Variants in UBTF observed in about 807,000 individuals in gnomAD.
UBTF encodes the protein nucleolar transcription factor 1.
In UBTF, 8 loss-of-function variants were observed where a neutral mutation model predicts 112.3. The observed-to-expected ratio is 0.07, with a 90% CI of 0.04 to 0.13. The LOEUF (loss-of-function observed/expected upper bound fraction) is 0.13, where lower values mean the gene tolerates loss of function less well. Ranked by LOEUF, UBTF falls within the 10% of genes least tolerant of loss-of-function variation. UBTF has a pLI of 1.00. For synonymous variants in UBTF, 417 were observed against 373.1 expected (o/e 1.12, Z -1.36); for missense variants, 457 against 982.1 (o/e 0.47, Z 7.15).
chr17:44,212,794 C>T, intron 7 of UBTF, 25 bp downstream of exon 7: 3 of 1,612,942 alleles, frequency 1.9e-6, no homozygotes, highest in South Asian at 1.1e-5. Flanking sequence ...CATCCTCCAC[C>T]CCCAACCCTT....
At chr17:44,214,085 G>A (rs1477522526) in intron 5 of UBTF, among the ~76,000 whole-genome samples, 10 of 151,494 alleles carry the variant, frequency 6.6e-5, no homozygotes, top group Admixed American at 1.3e-4. Context: ...CTTCCTCATC[G>A]ACCTTCTCTC....
rs139786333 is a variant in UBTF, at chr17:44,211,726, G to A, written c.927C>T (p.Cys309=). ...KPPPNSYSLY[C]AELMANMKDV... ...CCTTCATGTTGGCCATGAGCTCTGC[G>A]CAGTACAGCGAGTAGCTGTTCCTAT... is the stretch of plus-strand genomic sequence containing the variant. The change falls in exon 10 of 21, where the codon TGC becomes TGT. Residue 309 remains cysteine, a synonymous_variant. Coordinates refer to ENST00000436088, the MANE Select transcript of UBTF (RefSeq NM_014233.4). This position sits in a 1 kb window ranked among gnomAD's most constrained non-coding sequence, Gnocchi z 4.9. 72 of 1,607,682 alleles carry A rather than the reference G, an allele frequency of 4.5e-5. No homozygotes were observed. In the African/African-American group the frequency reaches 5.7e-4, roughly 13 times the overall value.
chr17:44,208,291 C>T (rs1317337509), intron 17 of UBTF, among the ~76,000 whole-genome samples: 1 of 151,784 alleles, frequency 6.6e-6, no homozygotes, highest in Non-Finnish European at 1.5e-5. Context: ...TTTGTAGAGA[C>T]AGCAATCTCA....
Position 44,207,053 on chromosome 17 carries a change from G to T in UBTF, c.*189C>A. On this transcript the variant is annotated 3_prime_UTR_variant, in exon 21 of 21. Transcript: ENST00000436088. ...ACCCCCAAGGGCTGATGTCTCTGAGGCTGCAGAGTCCTGGCCTGGGCTCCT... is the reference window on the plus strand; with the variant it reads ...ACCCCCAAGGGCTGATGTCTCTGAGTCTGCAGAGTCCTGGCCTGGGCTCCT... 1 of 641,706 alleles carries T rather than the reference G, an allele frequency of 1.6e-6. No homozygotes were observed. Among genetic ancestry groups the T allele is most frequent in the East Asian group, 2.8e-5 (1 of 36,308 alleles). The allele number at this position is 641,706 out of a possible 1,614,324, so 39.8% of individuals were successfully genotyped here.
At chr17:44,219,038 G>C (rs1201316321) in intron 1 of UBTF, 3 of 146,590 alleles carry the variant, frequency 2.0e-5, no homozygotes, top group African/African-American at 7.5e-5. Flanking sequence ...GCGCGACCGC[G>C]GCGGGAACCG....
Position 44,207,279 on chromosome 17 carries a change from G to C in UBTF, c.2258C>G (p.Ser753Cys). Reference protein sequence around the residue: ...NESEGSSSSSSSSGDSSDSDS... With the variant: ...NESEGSSSSSCSSGDSSDSDS... ...AGAGTCTGAGGAGTCCCCTGAGGAG[G>C]AGGAGCTGGAGCTGCTGCCCTCGGA... The change falls in exon 21 of 21, where the codon TCC (serine) becomes TGC (cysteine). Residue 753 changes from serine to cysteine, a missense_variant. Physicochemically the swap from Ser to Cys is moderately radical, Grantham distance 112 (BLOSUM62 -1). This residue lies in a region of UBTF where 139 missense variants were observed against 157.5 expected (regional missense o/e 0.88). Transcript: ENST00000436088. 6.2e-7 allele frequency: 1 copy of C among 1,613,580 alleles called. No individual in the cohort carries two copies. Among genetic ancestry groups the C allele is most frequent in the Non-Finnish European group, 8.5e-7 (1 of 1,179,860 alleles).
chr17:44,210,283 G>C, intron 14 of UBTF, 35 bp downstream of exon 14: 5 of 1,614,250 alleles, frequency 3.1e-6, no homozygotes, highest in South Asian at 1.1e-5. Flanking sequence ...CCCGGGGCTA[G>C]AGGCTGCAGT....
rs148766175 is a variant in UBTF at position 44,209,962 on chromosome 17, A to G, written c.1626+162T>C. Among the ~76,000 whole-genome samples the G allele has an allele frequency of 8.5e-5, 13 of 152,274 alleles. No individual in the cohort carries two copies. The East Asian group carries it at 2.5e-3, about 29-fold the overall frequency. On this transcript the variant is annotated intron_variant, in intron 15 of 20. Transcript: ENST00000436088. ...CTCCGAGTCAGCCTGGAGGTTAGCA[A>G]TGTCACCCCCACCTTACTGATGAGA...
intron 5 of UBTF, among the ~76,000 whole-genome samples, chr17:44,215,200 A>G (rs1215095909): frequency 6.6e-6 from 1 of 152,176 alleles, no homozygotes; most frequent in Non-Finnish European, 1.5e-5. Context: ...TAGTTGTGTC[A>G]CCCGGGACAC....
chr17:44,216,212 A>C, intron 3 of UBTF: 1 of 605,290 alleles, frequency 1.7e-6, no homozygotes, highest in Non-Finnish European at 2.9e-6. Flanking sequence ...AAGGCCAGCA[A>C]CAAGGGGACT....
In UBTF at chr17:44,211,574, C is replaced by T; in HGVS notation, c.1047+32G>A. 1 of 1,599,388 alleles carries T rather than the reference C, an allele frequency of 6.3e-7. No individual in the cohort carries two copies. Among genetic ancestry groups the T allele is most frequent in the South Asian group, 1.1e-5 (1 of 89,570 alleles). ...GGGATCAGACCTCATGCTTCAAAAC[C>T]CCAAGGCAGGGTGGCCCCTGCCACA... On this transcript the variant is annotated intron_variant, in intron 10 of 20. Transcript: ENST00000436088. The surrounding 1 kb of genome is among the most constrained non-coding windows in gnomAD (Gnocchi z 4.9).
At chr17:44,215,606 C>A (rs1476862694) in intron 5 of UBTF, 48 bp downstream of exon 5, 6 of 1,606,346 alleles carry the variant, frequency 3.7e-6, no homozygotes, top group Non-Finnish European at 5.1e-6. Flanking sequence ...ACCACACCAG[C>A]TGCTCCCAGC....
chr17:44,214,296 G>A (rs2046734586), intron 5 of UBTF, among the ~76,000 whole-genome samples: 5 of 152,156 alleles, frequency 3.3e-5, no homozygotes, highest in Admixed American at 3.3e-4. Context: ...CCCCATCTCA[G>A]TCCTCCTCAG....
At chr17:44,213,451 C>T in intron 5 of UBTF, 169 bp from the exon 6 acceptor site, 3 of 643,124 alleles carry the variant, frequency 4.7e-6, no homozygotes, top group Non-Finnish European at 5.2e-6. Context: ...ACAGAGCAGA[C>T]CTGCTGGCTT....
At position 44,219,575 on chromosome 17, in the gene UBTF, GC is replaced by G; in HGVS notation, c.-199del. The G allele has an allele frequency of 6.2e-6, 1 of 161,542 alleles. No individual in the cohort carries two copies. Among genetic ancestry groups the G allele is most frequent in the Non-Finnish European group, 1.3e-5 (1 of 77,068 alleles). The allele number at this position is 161,542 out of a possible 1,614,324, so 10.0% of individuals were successfully genotyped here. ...GCGGCGGCAGCGGCTCCTCCTCCGG[GC>G]GAGGCGGCGGCGCTGGGGCGGCGGC... On this transcript the variant is annotated 5_prime_UTR_variant, in exon 1 of 21. Coordinates refer to ENST00000436088, the MANE Select transcript of UBTF (RefSeq NM_014233.4).
chr17:44,215,628 TCCCACCTTAACTCTCCTCCC>T lies in UBTF; in HGVS notation c.474+6_474+25del, dbSNP rs749638480. 6.8e-6 allele frequency: 11 copies of T among 1,611,806 alleles called. No individual in the cohort carries two copies. Among genetic ancestry groups the T allele is most frequent in the Non-Finnish European group, 7.6e-6 (9 of 1,179,018 alleles). On this transcript the variant is annotated splice_donor_region_variant and intron_variant, in intron 5 of 20. Transcript: ENST00000436088. ...CAGCTGCTCCCAGCCTCTCCCCTCCTCCCACCTTAACTCTCCTCCCCCCACCTTCTTCTTCTCCGGAAGCT... is the reference window on the plus strand; with the variant it reads ...CAGCTGCTCCCAGCCTCTCCCCTCCTCCCACCTTCTTCTTCTCCGGAAGCT...
Position 44,212,401 on chromosome 17 carries a change from C to G in UBTF, c.714G>C (p.Ser238=), listed in dbSNP as rs756611691. Residue 238 remains serine, a synonymous_variant, in exon 8 of 21, where the codon TCG becomes TCC. Coordinates refer to ENST00000436088, the MANE Select transcript of UBTF (RefSeq NM_014233.4). ...GAATCCATTTCAGCCTCTTTTTGTC[C>G]GAGAGCTGAGACCACTGCTTCCCCA... ...DSLGKQWSQL[S]DKKRLKWIHK... 5.6e-6 allele frequency: 9 copies of G among 1,613,102 alleles called. No homozygotes were observed. Among genetic ancestry groups the G allele is most frequent in the Non-Finnish European group, 7.6e-6 (9 of 1,179,786 alleles).
rs1218456535 is a variant in UBTF at position 44,212,866 on chromosome 17, G to A, written c.613C>T (p.Leu205=). 6.2e-7 allele frequency: 1 copy of A among 1,614,032 alleles called. No individual in the cohort carries two copies. Among genetic ancestry groups the A allele is most frequent in the Non-Finnish European group, 8.5e-7 (1 of 1,180,000 alleles). ...IPEKPKTPQQ[L]WYTHEKKVYL... ...ACCTTCTTCTCGTGGGTGTACCACA[G>A]CTGCTGGGGGGTTTTGGGCTTCTCT... The change falls in exon 7 of 21, where the codon CTG becomes TTG. Residue 205 remains leucine, a synonymous_variant. Transcript: ENST00000436088.
rs1458798783 is a variant in UBTF at position 44,206,962 on chromosome 17, G to C, written c.*280C>G. 1.9e-6 allele frequency: 1 copy of C among 519,804 alleles called. No homozygotes were observed. Among genetic ancestry groups the C allele is most frequent in the Non-Finnish European group, 3.4e-6 (1 of 296,302 alleles). 32.2% of individuals were successfully genotyped at this position (519,804 alleles called of 1,614,324 possible). A position where few individuals can be genotyped will look rare whatever the true frequency, so the allele number is the denominator to read the frequency against. On this transcript the variant is annotated 3_prime_UTR_variant, in exon 21 of 21. Transcript: ENST00000436088. ...CCATGCCGGAACCGCAAGTGCAGAA[G>C]TGGGTGGGGTGGGCCAGGCTGGTCC...
Sources: gnomAD v4.1 joint callset for allele counts (sites outside exome capture counted in the v4.1 genomes callset) on GRCh38, gnomAD v4.1.1 for gene constraint, gnomAD v4.1.1 regional missense constraint, Gnocchi (gnomAD v3.1) non-coding constraint, MANE v1.5 for transcripts, NCBI Gene and HGNC (gene_info 2026-07-23, HGNC 2026-07-21) for gene names.